LRRC37A: variants seen among roughly 807,000 people sequenced by gnomAD.
LRRC37A encodes the protein leucine rich repeat containing 37A.
LRRC37A carries 3 observed loss-of-function variants against 35.4 expected under a neutral mutation model. The observed-to-expected ratio is 0.08, with a 90% confidence interval of 0.04 to 0.22. LRRC37A has a LOEUF of 0.22. Ranked by LOEUF, LRRC37A falls within the 10% of genes least tolerant of loss-of-function variation. The pLI is 1.00. For synonymous variants in LRRC37A, 23 were observed against 215.0 expected, an observed-to-expected ratio of 0.11 and a Z score of 7.81; for missense variants, 67 against 565.3, an observed-to-expected ratio of 0.12 and a Z score of 8.94.
the LRRC37A span, among the ~76,000 whole-genome samples, chr17:46,253,751 T>C: frequency 3.7e-5 from 1 of 27,254 alleles, no homozygotes. Flanking sequence ...AGGGAGACCG[T>C]GGGGAGAGGG....
At chr17:46,272,383 T>A in the LRRC37A span, among the ~76,000 whole-genome samples, 1 of 152,242 alleles carries the variant, frequency 6.6e-6, no homozygotes, top group African/African-American at 2.4e-5. Flanking sequence ...CTTTCAGAAC[T>A]CATTATGTTC....
chr17:46,268,745 T>C, the LRRC37A span: 2 of 1,296,428 alleles, frequency 1.5e-6, no homozygotes, highest in South Asian at 1.8e-5. Flanking sequence ...CAACAAGACA[T>C]GAAAGGTCTA....
chr17:46,254,696 C>A, the LRRC37A span, among the ~76,000 whole-genome samples: 1 of 150,398 alleles, frequency 6.6e-6, no homozygotes, highest in Non-Finnish European at 1.5e-5. Flanking sequence ...CATGTGCCAC[C>A]GCGCCTGGCA....
At chr17:46,253,696 G>A in the LRRC37A span, among the ~76,000 whole-genome samples, 1 of 142,456 alleles carries the variant, frequency 7.0e-6, no homozygotes, top group Non-Finnish European at 1.6e-5. Flanking sequence ...CGAGATGGCG[G>A]CAGTACAGTC....
the LRRC37A span, among the ~76,000 whole-genome samples, chr17:46,269,299 C>T: frequency 7.2e-5 from 11 of 152,140 alleles, no homozygotes; most frequent in Non-Finnish European, 1.2e-4. Flanking sequence ...TTTGAGAGGC[C>T]GAGGCGGGTG....
upstream of LRRC37A, among the ~76,000 whole-genome samples, chr17:46,290,155 G>A (rs1297490960): frequency 1.3e-5 from 2 of 152,196 alleles, no homozygotes; most frequent in Non-Finnish European, 2.9e-5. Context: ...TTGGAGACAG[G>A]GCCTCACTTG....
At chr17:46,270,646 C>T in the LRRC37A span, among the ~76,000 whole-genome samples, 1 of 152,248 alleles carries the variant, frequency 6.6e-6, no homozygotes, top group African/African-American at 2.4e-5. Context: ...CTGTGACTCA[C>T]ACCTGTAATC....
the LRRC37A span, chr17:46,268,757 C>A: frequency 8.4e-7 from 1 of 1,186,500 alleles, no homozygotes; most frequent in African/African-American, 1.7e-5. Flanking sequence ...AAAGGTCTAT[C>A]TTCATGTAAT....
At chr17:46,316,197 T>C (rs2051094718) in intron 5 of LRRC37A, among the ~76,000 whole-genome samples, 1 of 17,016 alleles carries the variant, frequency 5.9e-5, no homozygotes, top group South Asian at 2.1e-3. Flanking sequence ...GTGCTGGGAT[T>C]ACAGGCCTGA....
the LRRC37A span, chr17:46,268,431 T>A: frequency 8.9e-7 from 1 of 1,118,706 alleles, no homozygotes; most frequent in Non-Finnish European, 1.2e-6. Context: ...AGGTATTTCT[T>A]AAAGGCCTTA....
chr17:46,279,310 A>G, the LRRC37A span, among the ~76,000 whole-genome samples: 26 of 151,318 alleles, frequency 1.7e-4, no homozygotes, highest in East Asian at 4.3e-3. Context: ...CAGCCTCCCA[A>G]GTAGCGAGGA....
At chr17:46,268,947 C>T in the LRRC37A span, among the ~76,000 whole-genome samples, 5 of 152,222 alleles carry the variant, frequency 3.3e-5, no homozygotes, top group Non-Finnish European at 7.3e-5. Flanking sequence ...GCTCAGATAA[C>T]TGACCTGTCT....
At chr17:46,264,165 T>G in the LRRC37A span, among the ~76,000 whole-genome samples, 3 of 149,384 alleles carry the variant, frequency 2.0e-5, no homozygotes, top group South Asian at 2.1e-4. Flanking sequence ...TTTTTTTTTG[T>G]AGAGACCAGG....
At chr17:46,249,488 T>C in the LRRC37A span, among the ~76,000 whole-genome samples, 76 of 152,264 alleles carry the variant, frequency 5.0e-4, no homozygotes, top group African/African-American at 1.7e-3. Flanking sequence ...TAAATCTTTC[T>C]TCCGGAAACA....
At chr17:46,249,124 G>A in the LRRC37A span, among the ~76,000 whole-genome samples, 3 of 151,980 alleles carry the variant, frequency 2.0e-5, no homozygotes, top group African/African-American at 7.3e-5. Context: ...GGACTTTGGT[G>A]TCGGCAGGGG....
At chr17:46,257,836 G>T in the LRRC37A span, among the ~76,000 whole-genome samples, 2 of 148,672 alleles carry the variant, frequency 1.3e-5, no homozygotes, top group Admixed American at 6.7e-5. Context: ...AAAAAAAAAT[G>T]ATCCCCAACA....
chr17:46,256,579 T>C, the LRRC37A span, among the ~76,000 whole-genome samples: 1 of 152,200 alleles, frequency 6.6e-6, no homozygotes, highest in Non-Finnish European at 1.5e-5. Context: ...GTAATCAATG[T>C]CTATTGTTTA....
At chr17:46,286,960 T>C in the LRRC37A span, among the ~76,000 whole-genome samples, 1 of 152,252 alleles carries the variant, frequency 6.6e-6, no homozygotes, top group Admixed American at 6.5e-5. Flanking sequence ...ACAGCCAATA[T>C]AGAACCTAGA....
At chr17:46,257,820 CAAAAA>C in the LRRC37A span, among the ~76,000 whole-genome samples, 1 of 145,810 alleles carries the variant, frequency 6.9e-6, no homozygotes, top group African/African-American at 2.6e-5. Context: ...AGGCCCATGT[CAAAAA>C]AAAAAAAAAT....
Sources: allele counts gnomAD v4.1 joint callset (sites outside exome capture counted in the v4.1 genomes callset), GRCh38; gene constraint gnomAD v4.1.1; transcripts MANE v1.5; gene names NCBI Gene and HGNC (gene_info 2026-07-23, HGNC 2026-07-21).